Variants in ATG7 observed in about 807,000 individuals in gnomAD.
ATG7 encodes the protein autophagy related 7.
In ATG7, 70 loss-of-function variants were observed where a neutral mutation model predicts 82.4. The ratio of observed to expected loss-of-function variants is 0.85; its 90% CI spans 0.70 to 1.04. The LOEUF (loss-of-function observed/expected upper bound fraction) is 1.04. Among genes scored for constraint, ATG7 ranks in the 50% least tolerant of loss-of-function variants. The pLI is 0.00. For missense variants in ATG7, 792 were observed against 864.3 expected (o/e 0.92, Z 1.05); for synonymous variants, 287 against 313.0 (o/e 0.92, Z 0.88).
chr3:11,560,019 C>G (rs62245958), downstream of ATG7, among the ~76,000 whole-genome samples: 36,280 of 152,006 alleles, frequency 0.24, 5,438 homozygotes, highest in African/African-American at 0.41. Flanking sequence ...CCCACCCCAG[C>G]CCGATCTGCC....
intron 20 of ATG7, among the ~76,000 whole-genome samples, chr3:11,466,992 C>T (rs188093463): frequency 6.6e-6 from 1 of 152,068 alleles, no homozygotes; most frequent in Admixed American, 6.5e-5. Context: ...GGTGTGGTGG[C>T]GGGCGCCTGT....
chr3:11,453,444 A>C (rs1055890288), intron 20 of ATG7, among the ~76,000 whole-genome samples: 1 of 152,216 alleles, frequency 6.6e-6, no homozygotes, highest in Non-Finnish European at 1.5e-5. Flanking sequence ...CAAGCCAACA[A>C]TAGCACACCC....
At chr3:11,486,820 G>GTTTTTTTTTTTTTTTTTTTTT (rs34251925) in intron 20 of ATG7, among the ~76,000 whole-genome samples, 1 of 131,994 alleles carries the variant, frequency 7.6e-6, no homozygotes, top group African/African-American at 2.9e-5. Flanking sequence ...CTTTGGTTCT[G>GTTTTTTTTTTTTTTTTTTTTT]TTTTTTTTTT....
chr3:11,477,666 C>A lies in ATG7; in HGVS notation c.2079+50740C>A, dbSNP rs150527953. On this transcript the variant is annotated intron_variant, in intron 20 of 20. Coordinates refer to ENST00000693202, the MANE Select transcript of ATG7 (RefSeq NM_001349232.2). Reference sequence around the variant, plus strand: ...TCAGTTGTAAGTTGCAAATTTTAACCAACCTGAACAAGGGGGAATTTTTTT... The same window carrying A: ...TCAGTTGTAAGTTGCAAATTTTAACAAACCTGAACAAGGGGGAATTTTTTT... Among the ~76,000 whole-genome samples the A allele has an allele frequency of 3.9e-5, 6 of 152,230 alleles. No individual in the cohort carries two copies. The East Asian group carries it at 1.2e-3, about 29-fold the overall frequency.
intron 18 of ATG7, among the ~76,000 whole-genome samples, chr3:11,377,477 C>T (rs2077513155): frequency 6.6e-5 from 10 of 152,184 alleles, no homozygotes; most frequent in Admixed American, 6.5e-4. Context: ...TATTTCCTCT[C>T]TCCCTTTCTA....
chr3:11,394,847 T>C (rs1289354277), intron 19 of ATG7, among the ~76,000 whole-genome samples: 1 of 152,198 alleles, frequency 6.6e-6, no homozygotes, highest in African/African-American at 2.4e-5. Context: ...ATTATTTATA[T>C]AGATAATTTT....
At chr3:11,490,937 A>C (rs2090283824) in intron 20 of ATG7, among the ~76,000 whole-genome samples, 2 of 151,958 alleles carry the variant, frequency 1.3e-5, no homozygotes, top group South Asian at 4.2e-4. Context: ...GGTGAATCTG[A>C]CAATTATGTG....
At chr3:11,437,453 G>C (rs2083465733) in intron 20 of ATG7, among the ~76,000 whole-genome samples, 1 of 152,180 alleles carries the variant, frequency 6.6e-6, no homozygotes, top group Non-Finnish European at 1.5e-5. Context: ...GCAGATAAAG[G>C]GGTTAGGGGA....
At chr3:11,339,274 C>T (rs1263382466) in intron 11 of ATG7, among the ~76,000 whole-genome samples, 8 of 137,446 alleles carry the variant, frequency 5.8e-5, no homozygotes, top group African/African-American at 1.6e-4. Flanking sequence ...CCAGCCTGGG[C>T]GACAGAGCGA....
At chr3:11,327,974 C>G (rs985242409) in intron 9 of ATG7, among the ~76,000 whole-genome samples, 1 of 152,136 alleles carries the variant, frequency 6.6e-6, no homozygotes, top group Non-Finnish European at 1.5e-5. Context: ...AGATGTAGGG[C>G]CAATCCAGAG....
chr3:11,324,991 C>T (rs1203851770), intron 9 of ATG7, among the ~76,000 whole-genome samples: 1 of 152,182 alleles, frequency 6.6e-6, no homozygotes, highest in African/African-American at 2.4e-5. Context: ...TGTATTTTTA[C>T]TATACCTTCT....
At position 11,417,140 on chromosome 3, in the gene ATG7, T is replaced by C. The variant is rs1415344897; in HGVS notation, c.1957-9664T>C. On this transcript the variant is annotated intron_variant, in intron 19 of 20. Transcript: ENST00000693202. ...ATTCCATGTGAATGTGAGAAGAATGTGTATTCTGTGGTTGTTGGATGAAAG... is the reference window on the plus strand; with the variant it reads ...ATTCCATGTGAATGTGAGAAGAATGCGTATTCTGTGGTTGTTGGATGAAAG... 2.6e-5 allele frequency among the ~76,000 whole-genome samples: 4 copies of C among 152,182 alleles called. No individual in the cohort carries two copies. In the East Asian group the frequency reaches 5.8e-4, roughly 22 times the overall value.
intron 1 of ATG7, among the ~76,000 whole-genome samples, chr3:11,274,368 A>T (rs1301582598): frequency 6.6e-6 from 1 of 152,072 alleles, no homozygotes; most frequent in African/African-American, 2.4e-5. Flanking sequence ...GAGGTTTGGT[A>T]GAGGAGGACT....
chr3:11,477,113 G>A, intron 20 of ATG7: 1 of 1,289,732 alleles, frequency 7.8e-7, no homozygotes, highest in African/African-American at 1.5e-5. Context: ...AATTAAAAGG[G>A]AGCATGTTTG....
intron 19 of ATG7, among the ~76,000 whole-genome samples, chr3:11,395,737 G>A (rs578041271): frequency 2.6e-5 from 4 of 151,678 alleles, no homozygotes; most frequent in African/African-American, 9.7e-5. Context: ...TCAGGAGATC[G>A]AGACCATCCT....
At chr3:11,528,659 C>G (rs1318037627) in intron 20 of ATG7, among the ~76,000 whole-genome samples, 1 of 151,868 alleles carries the variant, frequency 6.6e-6, no homozygotes, top group Non-Finnish European at 1.5e-5. Context: ...AACCCCATCT[C>G]TACTAAAAAT....
At chr3:11,358,905 T>C (rs771436450) in intron 15 of ATG7, among the ~76,000 whole-genome samples, 11 of 152,238 alleles carry the variant, frequency 7.2e-5, no homozygotes, top group Non-Finnish European at 1.2e-4. Flanking sequence ...CTTGGTCTTA[T>C]TCACCACTAC....
At chr3:11,422,140 C>T (rs2081986135) in intron 19 of ATG7, among the ~76,000 whole-genome samples, 1 of 152,176 alleles carries the variant, frequency 6.6e-6, no homozygotes, top group Non-Finnish European at 1.5e-5. Context: ...TAAAAGTCAC[C>T]AGCTGTTTTG....
downstream of ATG7, among the ~76,000 whole-genome samples, chr3:11,559,646 G>A (rs1277410749): frequency 2.0e-5 from 3 of 152,246 alleles, no homozygotes; most frequent in African/African-American, 4.8e-5. Context: ...CTCCAAGGGT[G>A]TGTGTAGTGG....
Sources: allele counts gnomAD v4.1 joint callset (sites outside exome capture counted in the v4.1 genomes callset), GRCh38; gene constraint gnomAD v4.1.1; transcripts MANE v1.5; gene names NCBI Gene and HGNC (gene_info 2026-07-23, HGNC 2026-07-21).